Variants in ADAMTSL1 observed in about 807,000 individuals in gnomAD.
The protein encoded by ADAMTSL1 is ADAMTS like 1.
ADAMTSL1 carries 126 observed loss-of-function variants against 201.8 expected under a neutral mutation model. The observed-to-expected ratio is 0.62, with a 90% CI of 0.54 to 0.72. The LOEUF is 0.72. Ranked by LOEUF, ADAMTSL1 falls within the 30% of genes least tolerant of loss-of-function variation. The pLI is 0.00. For synonymous variants in ADAMTSL1, 1,121 were observed against 903.4 expected (o/e 1.24, Z -4.32); for missense variants, 2,679 against 2,277.8 (o/e 1.18, Z -3.59).
At chr9:18,893,023 C>T (rs1351692800) in intron 26 of ADAMTSL1, among the ~76,000 whole-genome samples, 1 of 151,470 alleles carries the variant, frequency 6.6e-6, no homozygotes, top group Non-Finnish European at 1.5e-5. Context: ...CCATTTGTGT[C>T]CCAGGTAAGT....
intron 23 of ADAMTSL1, among the ~76,000 whole-genome samples, chr9:18,853,918 T>TGTGTGTGTGTGTGCGCGC (rs139332733): frequency 0.055 from 7,965 of 145,282 alleles, 267 homozygotes; most frequent in East Asian, 0.15. Flanking sequence ...TGTGTGTGTG[T>TGTGTGTGTGTGTGCGCGC]GCGCGTGCAT....
rs375311028 is a variant in ADAMTSL1 at position 18,483,314 on chromosome 9, TA to T, written c.63+9020del. On this transcript the variant is annotated intron_variant, in intron 1 of 28. Coordinates refer to ENST00000380548, the MANE Select transcript of ADAMTSL1 (RefSeq NM_001040272.6). ...TCGAGTTATATTTATCACGAGCATC[TA>T]GTACATAGGATCCAGATACTGGAAT... 3.2e-3 allele frequency among the ~76,000 whole-genome samples: 494 copies of T among 152,344 alleles called. 3 individuals are homozygous for T. Among genetic ancestry groups the T allele is most frequent in the South Asian group, 0.017 (83 of 4,826 alleles).
intron 15 of ADAMTSL1, among the ~76,000 whole-genome samples, chr9:18,742,812 A>T (rs580578): frequency 0.82 from 124,412 of 152,146 alleles, 50,972 homozygotes; most frequent in Non-Finnish European, 0.84. Flanking sequence ...CAGTTAATAT[A>T]AAATAGAGAC....
chr9:18,560,559 T>C (rs1018446222), intron 3 of ADAMTSL1, among the ~76,000 whole-genome samples: 3 of 152,092 alleles, frequency 2.0e-5, no homozygotes, highest in Admixed American at 6.6e-5. Flanking sequence ...CATTTTCTGT[T>C]GTTTGGAATA....
At chr9:18,851,506 G>C (rs547878078) in intron 23 of ADAMTSL1, among the ~76,000 whole-genome samples, 3 of 152,252 alleles carry the variant, frequency 2.0e-5, no homozygotes, top group South Asian at 4.2e-4. Context: ...GCAAATTTTA[G>C]AGCAGAAGTG....
Position 18,247,800 on chromosome 9 carries a change from C to T in ADAMTSL1, c.207+83819C>T, listed in dbSNP as rs189843991. Among the ~76,000 whole-genome samples, 64 of 152,070 alleles carry T rather than the reference C, an allele frequency of 4.2e-4. 1 individual carries two copies. In the East Asian group the frequency reaches 9.1e-3, roughly 22 times the overall value. ...GAGGGAGGGAGGAAGGGAAGGAATA[C>T]CAGTTGTAGACAAAAGATTAAACAA... On this transcript the variant is annotated intron_variant, in intron 2 of 29. Transcript: ENST00000680146.
intron 1 of ADAMTSL1, among the ~76,000 whole-genome samples, chr9:18,125,268 C>A (rs1358631594): frequency 6.6e-6 from 1 of 152,072 alleles, no homozygotes; most frequent in African/African-American, 2.4e-5. Context: ...TTTTTAAAAC[C>A]ATCAGATCTG....
intron 1 of ADAMTSL1, among the ~76,000 whole-genome samples, chr9:18,036,694 G>A (rs777726374): frequency 9.2e-5 from 14 of 152,144 alleles, no homozygotes; most frequent in South Asian, 2.1e-4. Flanking sequence ...AGATATCTTC[G>A]TTTGGTAAAG....
chr9:18,759,124 GT>G (rs1329673268), intron 16 of ADAMTSL1, among the ~76,000 whole-genome samples: 1 of 152,146 alleles, frequency 6.6e-6, no homozygotes, highest in Non-Finnish European at 1.5e-5. Flanking sequence ...GTACACACAT[GT>G]TGCACACATC....
rs577742916 is a variant in ADAMTSL1, at chr9:18,183,495, T to G, written c.207+19514T>G. 2.2e-3 allele frequency among the ~76,000 whole-genome samples: 338 copies of G among 152,298 alleles called. 2 individuals carry two copies. Among genetic ancestry groups the G allele is most frequent in the African/African-American group, 7.2e-3 (301 of 41,568 alleles). On this transcript the variant is annotated intron_variant, in intron 2 of 29. Coordinates refer to the ADAMTSL1 transcript ENST00000680146. ...AGACATCTGAAAAAGCATTATTATCTAAAATATACTGAACTTAAAACTCAA... is the reference window on the plus strand; with the variant it reads ...AGACATCTGAAAAAGCATTATTATCGAAAATATACTGAACTTAAAACTCAA...
intron 7 of ADAMTSL1, among the ~76,000 whole-genome samples, chr9:18,641,180 C>T (rs1827412146): frequency 1.3e-5 from 2 of 152,056 alleles, no homozygotes; most frequent in Non-Finnish European, 2.9e-5. Flanking sequence ...TTCTTCCATT[C>T]TCTTCACTAC....
intron 23 of ADAMTSL1, among the ~76,000 whole-genome samples, chr9:18,844,392 G>A (rs1179438777): frequency 6.6e-6 from 1 of 152,154 alleles, no homozygotes; most frequent in Non-Finnish European, 1.5e-5. Flanking sequence ...TCGTTCCTCT[G>A]AAAGTTTTGT....
intron 2 of ADAMTSL1, among the ~76,000 whole-genome samples, chr9:18,195,093 A>G (rs1306478848): frequency 1.3e-5 from 2 of 152,158 alleles, no homozygotes; most frequent in Non-Finnish European, 2.9e-5. Flanking sequence ...GGTACCTGTC[A>G]TACAGTAAGC....
intron 4 of ADAMTSL1, among the ~76,000 whole-genome samples, chr9:18,596,402 C>A (rs1321508370): frequency 6.6e-6 from 1 of 152,160 alleles, no homozygotes; most frequent in Non-Finnish European, 1.5e-5. Flanking sequence ...TTACTAGGTT[C>A]TTTTAGCTTC....
intron 3 of ADAMTSL1, among the ~76,000 whole-genome samples, chr9:18,549,634 A>T (rs1820678103): frequency 6.6e-6 from 1 of 152,006 alleles, no homozygotes; most frequent in Admixed American, 6.6e-5. Flanking sequence ...GTCTGGGACT[A>T]TTGAACTTCC....
intron 2 of ADAMTSL1, among the ~76,000 whole-genome samples, chr9:18,289,198 G>T (rs1462877791): frequency 1.4e-5 from 2 of 146,144 alleles, no homozygotes; most frequent in East Asian, 4.1e-4. Flanking sequence ...TCTATAGAGA[G>T]ATATGGATAT....
At chr9:18,762,911 C>T (rs1051321506) in intron 16 of ADAMTSL1, among the ~76,000 whole-genome samples, 1 of 152,126 alleles carries the variant, frequency 6.6e-6, no homozygotes, top group Non-Finnish European at 1.5e-5. Flanking sequence ...TTGATAGACA[C>T]TTAGGTTGCT....
At chr9:18,494,994 G>T (rs1822460671) in intron 1 of ADAMTSL1, among the ~76,000 whole-genome samples, 1 of 152,146 alleles carries the variant, frequency 6.6e-6, no homozygotes, top group South Asian at 2.1e-4. Flanking sequence ...AACACCAGAT[G>T]GGAAGTCAAT....
At chr9:18,651,950 T>C (rs1406533589) in intron 7 of ADAMTSL1, among the ~76,000 whole-genome samples, 1 of 151,934 alleles carries the variant, frequency 6.6e-6, no homozygotes, top group Non-Finnish European at 1.5e-5. Context: ...AGATGATTGA[T>C]ACATGAGGCA....
Sources: allele counts gnomAD v4.1 joint callset (sites outside exome capture counted in the v4.1 genomes callset), GRCh38; gene constraint gnomAD v4.1.1; transcripts MANE v1.5; gene names NCBI Gene and HGNC (gene_info 2026-07-23, HGNC 2026-07-21).